The following XYLT1 variants were observed in gnomAD, a reference collection of about 807,000 sequenced individuals.
The protein encoded by XYLT1 is beta-D-xylosyltransferase 1.
In XYLT1, 36 loss-of-function variants were observed where a neutral mutation model predicts 91.3. That is an observed-to-expected ratio of 0.39 (90% CI 0.30 to 0.52). The LOEUF (loss-of-function observed/expected upper bound fraction) is 0.52, where lower values mean the gene tolerates loss of function less well. XYLT1 is among the 20% of genes least tolerant of loss of function. The probability of loss-of-function intolerance (pLI) is 0.68; values close to 1 mark genes in which losing one functional copy is unlikely to be tolerated. For missense variants in XYLT1, 1,242 were observed against 1,284.5 expected, an observed-to-expected ratio of 0.97 and a Z score of 0.51; for synonymous variants, 588 against 532.0, an observed-to-expected ratio of 1.11 and a Z score of -1.45.
intron 2 of XYLT1, among the ~76,000 whole-genome samples, chr16:17,304,268 G>C (rs2034440554): frequency 6.6e-6 from 1 of 152,178 alleles, no homozygotes; most frequent in African/African-American, 2.4e-5. Context: ...TTTGATCAAA[G>C]ACCAGAGGCA....
intron 3 of XYLT1, among the ~76,000 whole-genome samples, chr16:17,204,927 A>C (rs1405455991): frequency 5.4e-5 from 8 of 149,392 alleles, no homozygotes; most frequent in African/African-American, 2.0e-4. Flanking sequence ...ATGAACACGG[A>C]ACTCTTTGAA....
chr16:17,417,686 T>C (rs769708749), intron 1 of XYLT1, among the ~76,000 whole-genome samples: 3 of 152,226 alleles, frequency 2.0e-5, no homozygotes, highest in African/African-American at 4.8e-5. Flanking sequence ...TTCTTTGACA[T>C]GCCTTTATCG....
intron 2 of XYLT1, among the ~76,000 whole-genome samples, chr16:17,283,663 G>A (rs2034091605): frequency 6.6e-6 from 1 of 152,148 alleles, no homozygotes; most frequent in Admixed American, 6.5e-5. Context: ...GGCTCCAACG[G>A]CTTTGCTCCT....
At chr16:17,278,530 A>G (rs1448109536) in intron 2 of XYLT1, among the ~76,000 whole-genome samples, 1 of 152,188 alleles carries the variant, frequency 6.6e-6, no homozygotes, top group Non-Finnish European at 1.5e-5. Context: ...AATCAAAGTC[A>G]TTGCCATCAT....
intron 2 of XYLT1, among the ~76,000 whole-genome samples, chr16:17,285,251 C>T (rs1017323058): frequency 6.6e-6 from 1 of 152,190 alleles, no homozygotes; most frequent in Non-Finnish European, 1.5e-5. Context: ...ACTAGAATCA[C>T]CCAGGACCCC....
intron 2 of XYLT1, among the ~76,000 whole-genome samples, chr16:17,307,726 C>T (rs1261047638): frequency 1.3e-5 from 2 of 152,110 alleles, no homozygotes; most frequent in Admixed American, 6.5e-5. Context: ...AGGGATTGAT[C>T]GGGGCTTGGA....
chr16:17,102,608 A>G lies in XYLT1; in HGVS notation c.*6087T>C, dbSNP rs527575813. 6.6e-6 allele frequency: 1 copy of G among 152,666 alleles called. No individual in the cohort carries two copies. Among genetic ancestry groups the G allele is most frequent in the East Asian group, 1.9e-4 (1 of 5,190 alleles). 9.5% of individuals were successfully genotyped at this position (152,666 alleles called of 1,614,324 possible). ...CAGTCATTTCTGAGACTCACATTCT[A>G]CCTCAAGGAAAAGCATTCAGATGAT... is the stretch of plus-strand genomic sequence containing the variant. On this transcript the variant is annotated 3_prime_UTR_variant, in exon 12 of 12. Transcript: ENST00000261381.
In XYLT1 at chr16:17,127,792, C is replaced by T; in HGVS notation, c.2097G>A (p.Leu699=). 3 of 1,614,124 alleles carry T rather than the reference C, an allele frequency of 1.9e-6. No individual in the cohort carries two copies. The highest frequency in any genetic ancestry group is 2.5e-6 in the Non-Finnish European group (3 of 1,180,016). Residue 699 remains leucine, a synonymous_variant, in exon 10 of 12, where the codon CTG becomes CTA. Coordinates refer to ENST00000261381, the MANE Select transcript of XYLT1 (RefSeq NM_022166.4). ...YFLADRFQGF[L]IKHHATNLAV... ...CCAGATTGGTAGCATGATGCTTGAT[C>T]AGAAAGCCCTGGAAGCGGTCAGCAA... is the stretch of plus-strand genomic sequence containing the variant.
chr16:17,374,176 T>C (rs1180944834), intron 1 of XYLT1, among the ~76,000 whole-genome samples: 2 of 152,224 alleles, frequency 1.3e-5, no homozygotes, highest in East Asian at 1.9e-4. Context: ...ATAAAGGCTC[T>C]GTGGTGGGAA....
intron 1 of XYLT1, among the ~76,000 whole-genome samples, chr16:17,414,866 G>A (rs773336779): frequency 1.4e-4 from 22 of 152,136 alleles, no homozygotes; most frequent in African/African-American, 4.8e-4. Context: ...AGATTAAAGC[G>A]CATGAATACC....
At chr16:17,224,486 GTGTACGTGCAC>G (rs1158177205) in intron 3 of XYLT1, among the ~76,000 whole-genome samples, 3 of 152,198 alleles carry the variant, frequency 2.0e-5, no homozygotes, top group Non-Finnish European at 4.4e-5. Context: ...AGATTACTCA[GTGTACGTGCAC>G]TTGTTAGCAG....
In XYLT1 at chr16:17,108,111, A is replaced by C. The variant is rs977038683; in HGVS notation, c.*584T>G. 6.5e-6 allele frequency: 1 copy of C among 152,876 alleles called. No individual in the cohort carries two copies. The highest frequency in any genetic ancestry group is 2.1e-4 in the South Asian group (1 of 4,834). The allele number at this position is 152,876 out of a possible 1,614,324, so 9.5% of individuals were successfully genotyped here. A position where few individuals can be genotyped will look rare whatever the true frequency, so the allele number is the denominator to read the frequency against. On this transcript the variant is annotated 3_prime_UTR_variant, in exon 12 of 12. Transcript: ENST00000261381. Reference sequence around the variant, plus strand: ...GAGTCCCCCAGCCAAGAGAAGCAGAAAAATGAACCAAAGGGCAGGGCTGGA... The same window carrying C: ...GAGTCCCCCAGCCAAGAGAAGCAGACAAATGAACCAAAGGGCAGGGCTGGA...
At chr16:17,315,222 C>A (rs1260900565) in intron 2 of XYLT1, among the ~76,000 whole-genome samples, 2 of 152,228 alleles carry the variant, frequency 1.3e-5, no homozygotes, top group African/African-American at 4.8e-5. Context: ...CCTGAACCTG[C>A]CTCTCCATTC....
chr16:17,435,945 C>A (rs2036453883), intron 1 of XYLT1, among the ~76,000 whole-genome samples: 1 of 152,168 alleles, frequency 6.6e-6, no homozygotes, highest in Non-Finnish European at 1.5e-5. Flanking sequence ...TGTGTCCCCA[C>A]CCAAATCTCA....
chr16:17,145,934 A>C (rs1053634467), intron 6 of XYLT1, among the ~76,000 whole-genome samples: 2 of 152,158 alleles, frequency 1.3e-5, no homozygotes, highest in African/African-American at 2.4e-5. Flanking sequence ...GGTAGCCTTT[A>C]TTCTCACTAC....
At chr16:17,403,410 G>A (rs557044021) in intron 1 of XYLT1, 1 of 152,360 alleles carries the variant, frequency 6.6e-6, no homozygotes, top group East Asian at 1.9e-4. Flanking sequence ...CAGAGACTGG[G>A]TAATTTATCA....
rs145598490 is a variant in XYLT1 at position 17,357,986 on chromosome 16, G to A, written c.402+26C>T. On this transcript the variant is annotated intron_variant, in intron 2 of 11. Transcript: ENST00000261381. ...AGCTGGAATACTAAGGCTGAGATAA[G>A]TGGCCAAGACAGGAAAGATACTTAC... is the stretch of plus-strand genomic sequence containing the variant. 3.4e-4 allele frequency: 556 copies of A among 1,612,446 alleles called. 2 individuals are homozygous for A. The highest frequency in any genetic ancestry group is 1.2e-3 in the Middle Eastern group (7 of 6,054).
rs533899164 is a variant in XYLT1, at chr16:17,367,292, G to A, written c.364-9242C>T. Among the ~76,000 whole-genome samples, 10 of 152,304 alleles carry A rather than the reference G, an allele frequency of 6.6e-5. No homozygotes were observed. In the East Asian group the frequency reaches 1.3e-3, roughly 21 times the overall value. On this transcript the variant is annotated intron_variant, in intron 1 of 11. Coordinates refer to ENST00000261381, the MANE Select transcript of XYLT1 (RefSeq NM_022166.4). Reference sequence around the variant, plus strand: ...CAAGAAGGCAGCCGTTACCCGACATGGCCCAGACAGGAAGTGCTGGCTAAA... The same window carrying A: ...CAAGAAGGCAGCCGTTACCCGACATAGCCCAGACAGGAAGTGCTGGCTAAA...
In XYLT1 at chr16:17,142,812, T is replaced by C. The variant is rs1207494683; in HGVS notation, c.1371-1443A>G. On this transcript the variant is annotated intron_variant, in intron 6 of 11. Coordinates refer to ENST00000261381, the MANE Select transcript of XYLT1 (RefSeq NM_022166.4). ...AGAGGTATCTGCACCAACTATAATGTGACAGGAAAATAGATGATTCCTACT... is the reference window on the plus strand; with the variant it reads ...AGAGGTATCTGCACCAACTATAATGCGACAGGAAAATAGATGATTCCTACT... Among the ~76,000 whole-genome samples the C allele has an allele frequency of 2.6e-5, 4 of 152,154 alleles. No homozygotes were observed. In the East Asian group the frequency reaches 7.7e-4, roughly 29 times the overall value.
Sources: gnomAD v4.1 joint callset for allele counts (sites outside exome capture counted in the v4.1 genomes callset) on GRCh38, gnomAD v4.1.1 for gene constraint, MANE v1.5 for transcripts, NCBI Gene and HGNC (gene_info 2026-07-23, HGNC 2026-07-21) for gene names.